The following CBFB variants were observed in gnomAD, a reference collection of about 807,000 sequenced individuals.
CBFB encodes the protein CBF-beta.
Under a neutral mutation model 30.4 loss-of-function variants are expected in CBFB, and 9 were observed. The ratio of observed to expected loss-of-function variants is 0.30; its 90% CI spans 0.18 to 0.52. CBFB has a LOEUF of 0.52. CBFB is among the 20% of genes least tolerant of loss of function. CBFB has a pLI of 0.97. For missense variants in CBFB, 170 were observed against 244.0 expected, an observed-to-expected ratio of 0.70 and a Z score of 2.02; for synonymous variants, 94 against 84.0, an observed-to-expected ratio of 1.12 and a Z score of -0.65.
intron 3 of CBFB, among the ~76,000 whole-genome samples, chr16:67,062,598 C>G (rs1338525261): frequency 6.6e-6 from 1 of 151,584 alleles, no homozygotes; most frequent in Non-Finnish European, 1.5e-5. Flanking sequence ...TCGAGAGCAG[C>G]CCGGCCAACA....
intron 2 of CBFB, among the ~76,000 whole-genome samples, chr16:67,030,358 C>G (rs1966316789): frequency 6.6e-6 from 1 of 151,946 alleles, no homozygotes; most frequent in African/African-American, 2.4e-5. Context: ...TCAGGAGAAT[C>G]AGAAAGAAAC....
chr16:67,082,174 A>G, intron 4 of CBFB, 39 bp from the exon 5 acceptor site: 2 of 1,433,412 alleles, frequency 1.4e-6, no homozygotes, highest in Non-Finnish European at 9.3e-7. Flanking sequence ...TTTTTTTTAT[A>G]AATCAAAATT....
chr16:67,058,421 G>A (rs749943178), intron 3 of CBFB, among the ~76,000 whole-genome samples: 1 of 152,174 alleles, frequency 6.6e-6, no homozygotes, highest in South Asian at 2.1e-4. Context: ...GATCACAGGC[G>A]TGAACCACCA....
At chr16:67,082,749 AT>A in intron 5 of CBFB, among the ~76,000 whole-genome samples, 2 of 152,228 alleles carry the variant, frequency 1.3e-5, no homozygotes, top group East Asian at 3.9e-4. Context: ...CATTTGTGTG[AT>A]TTTAACTAAA....
intron 5 of CBFB, among the ~76,000 whole-genome samples, chr16:67,086,450 T>TTTGTGCCCTCC (rs2145777069): frequency 6.6e-6 from 1 of 152,312 alleles, no homozygotes; most frequent in East Asian, 1.9e-4. Flanking sequence ...ATTATAAACA[T>TTTGTGCCCTCC]TTGTGCCCTC....
chr16:67,046,519 G>A (rs1023540665), intron 3 of CBFB, among the ~76,000 whole-genome samples: 5 of 152,112 alleles, frequency 3.3e-5, no homozygotes, highest in African/African-American at 9.7e-5. Context: ...TTCACTTGTA[G>A]TTTTTCAATC....
At chr16:67,070,800 G>A (rs1039072473) in intron 4 of CBFB, among the ~76,000 whole-genome samples, 2 of 151,594 alleles carry the variant, frequency 1.3e-5, no homozygotes, top group African/African-American at 2.4e-5. Flanking sequence ...GCAATGAGCC[G>A]AGATCACACC....
At chr16:67,073,902 G>A (rs1364026130) in intron 4 of CBFB, among the ~76,000 whole-genome samples, 1 of 151,928 alleles carries the variant, frequency 6.6e-6, no homozygotes, top group Admixed American at 6.6e-5. Context: ...GGGCATGGTG[G>A]AGGGCACCTG....
At chr16:67,082,362 T>C in intron 5 of CBFB, 54 bp downstream of exon 5, 1 of 1,597,588 alleles carries the variant, frequency 6.3e-7, no homozygotes, top group East Asian at 2.2e-5. Context: ...CCCCAAACTC[T>C]CAGGCTGTGT....
chr16:67,058,448 C>T (rs1960796316), intron 3 of CBFB, among the ~76,000 whole-genome samples: 1 of 152,116 alleles, frequency 6.6e-6, no homozygotes, highest in South Asian at 2.1e-4. Context: ...ACCAACAGTT[C>T]TTTTTTTATA....
At chr16:67,031,278 G>C (rs565605208) in intron 2 of CBFB, among the ~76,000 whole-genome samples, 4 of 152,170 alleles carry the variant, frequency 2.6e-5, no homozygotes, top group Non-Finnish European at 5.9e-5. Context: ...TAGCCCACTT[G>C]CAAATTTCTT....
rs770566855 is a variant in CBFB, at chr16:67,088,428, A to T, written c.495+6120A>T. On this transcript the variant is annotated intron_variant, in intron 5 of 5. Coordinates refer to ENST00000412916, the MANE Select transcript of CBFB (RefSeq NM_022845.3). ...TTGATAAAACTGAGAGTCTCCAAAAAATTAATTGACTTGCTCTCCCTCAAA... is the reference window on the plus strand; with the variant it reads ...TTGATAAAACTGAGAGTCTCCAAAATATTAATTGACTTGCTCTCCCTCAAA... 7.9e-5 allele frequency among the ~76,000 whole-genome samples: 12 copies of T among 152,320 alleles called. No individual in the cohort carries two copies. In the East Asian group the frequency reaches 2.3e-3, roughly 29 times the overall value.
intron 3 of CBFB, among the ~76,000 whole-genome samples, chr16:67,064,368 A>T (rs911769352): frequency 6.6e-6 from 1 of 152,176 alleles, no homozygotes; most frequent in East Asian, 1.9e-4. Context: ...CACCATGCCC[A>T]GCTAATTTTT....
intron 2 of CBFB, among the ~76,000 whole-genome samples, chr16:67,031,976 G>A (rs770166194): frequency 1.3e-5 from 2 of 152,058 alleles, no homozygotes; most frequent in Non-Finnish European, 2.9e-5. Flanking sequence ...CAGGCTCGGC[G>A]TCACCATACG....
At chr16:67,072,382 C>A (rs774648825) in intron 4 of CBFB, among the ~76,000 whole-genome samples, 2 of 152,080 alleles carry the variant, frequency 1.3e-5, no homozygotes, top group Admixed American at 6.5e-5. Flanking sequence ...TTTATTCATG[C>A]ACTTTATTAG....
rs1361619079 is a variant in CBFB, at chr16:67,066,750, A to G, written c.351A>G (p.Gln117=). ...TCTGGAAAGGCTGGATTGATCTCCAAAGACTGGATGGTATGGGCTGTCTGG... is the reference window on the plus strand; with the variant it reads ...TCTGGAAAGGCTGGATTGATCTCCAGAGACTGGATGGTATGGGCTGTCTGG... ...CVIWKGWIDL[Q]RLDGMGCLEF... Residue 117 remains glutamine, a synonymous_variant, in exon 4 of 6, where the codon CAA becomes CAG. Coordinates refer to ENST00000412916, the MANE Select transcript of CBFB (RefSeq NM_022845.3). 3 of 1,610,758 alleles carry G rather than the reference A, an allele frequency of 1.9e-6. No individual in the cohort carries two copies. The highest frequency in any genetic ancestry group is 2.5e-6 in the Non-Finnish European group (3 of 1,178,906).
intron 3 of CBFB, among the ~76,000 whole-genome samples, chr16:67,039,839 G>GT (rs1474854856): frequency 1.3e-5 from 2 of 152,094 alleles, no homozygotes; most frequent in African/African-American, 4.8e-5. Context: ...TAGACAATAT[G>GT]TAAACAATTG....
intron 5 of CBFB, among the ~76,000 whole-genome samples, chr16:67,083,991 AG>A (rs1961642186): frequency 6.6e-6 from 1 of 151,882 alleles, no homozygotes; most frequent in Admixed American, 6.6e-5. Flanking sequence ...CAAAATAGCA[AG>A]CCCCCATCTC....
At chr16:67,036,073 G>T (rs1395814215) in intron 2 of CBFB, among the ~76,000 whole-genome samples, 2 of 152,100 alleles carry the variant, frequency 1.3e-5, no homozygotes, top group Non-Finnish European at 2.9e-5. Context: ...TGTGAGAAAA[G>T]ACATATTTTT....
Sources: allele counts gnomAD v4.1 joint callset (sites outside exome capture counted in the v4.1 genomes callset), GRCh38; gene constraint gnomAD v4.1.1; transcripts MANE v1.5; gene names NCBI Gene and HGNC (gene_info 2026-07-23, HGNC 2026-07-21).